BMP2K: variants seen among roughly 807,000 people sequenced by gnomAD.
The protein encoded by BMP2K is BMP-2-inducible protein kinase.
A neutral mutation model predicts 116.0 loss-of-function variants in BMP2K; 74 were observed. The observed-to-expected ratio is 0.64, with a 90% CI of 0.53 to 0.77. The LOEUF (loss-of-function observed/expected upper bound fraction) is 0.77. Among genes scored for constraint, BMP2K ranks in the 30% least tolerant of loss-of-function variants. The probability of loss-of-function intolerance (pLI) is 0.00; values close to 1 mark genes in which losing one functional copy is unlikely to be tolerated. For synonymous variants in BMP2K, 486 were observed against 502.5 expected (o/e 0.97, Z 0.44); for missense variants, 1,365 against 1,403.6 (o/e 0.97, Z 0.44).
chr4:78,912,130 C>T lies in BMP2K; in HGVS notation c.*97C>T, dbSNP rs1224350122. ...AAATTTGGTAGCTCTTTATAGCATTCATTCTTAAAGATCAGTCAGAATAGG... is the reference window on the plus strand; with the variant it reads ...AAATTTGGTAGCTCTTTATAGCATTTATTCTTAAAGATCAGTCAGAATAGG... On this transcript the variant is annotated 3_prime_UTR_variant, in exon 16 of 16. Transcript: ENST00000502613. The T allele has an allele frequency of 9.1e-7, 1 of 1,094,568 alleles. No individual in the cohort carries two copies. The highest frequency in any genetic ancestry group is 1.3e-6 in the Non-Finnish European group (1 of 748,912). 67.8% of individuals were successfully genotyped at this position (1,094,568 alleles called of 1,614,324 possible). A position where few individuals can be genotyped will look rare whatever the true frequency, so the allele number is the denominator to read the frequency against.
chr4:78,823,494 G>A (rs1026436040), intron 1 of BMP2K, among the ~76,000 whole-genome samples: 39 of 146,334 alleles, frequency 2.7e-4, no homozygotes, highest in African/African-American at 9.5e-4. Flanking sequence ...ATATAGTTTT[G>A]TATATATAGT....
intron 3 of BMP2K, among the ~76,000 whole-genome samples, chr4:78,837,028 C>T (rs997260523): frequency 6.6e-5 from 10 of 152,092 alleles, no homozygotes; most frequent in Non-Finnish European, 1.5e-4. Flanking sequence ...CTGGACTTCT[C>T]ATTTTCTTTC....
intron 15 of BMP2K, among the ~76,000 whole-genome samples, chr4:78,899,897 A>G (rs994006787): frequency 2.0e-5 from 3 of 152,190 alleles, no homozygotes; most frequent in Admixed American, 6.5e-5. Context: ...GAACAGAGAA[A>G]GGTAGGTAGG....
At chr4:78,821,433 G>A (rs985600035) in intron 1 of BMP2K, among the ~76,000 whole-genome samples, 2 of 152,166 alleles carry the variant, frequency 1.3e-5, no homozygotes, top group African/African-American at 4.8e-5. Context: ...CTGGCTGCCA[G>A]TGTTATTGTA....
Position 78,859,579 on chromosome 4 carries a change from T to G in BMP2K, c.884-5T>G. The G allele has an allele frequency of 1.3e-6, 2 of 1,593,034 alleles. No homozygotes were observed. The highest frequency in any genetic ancestry group is 8.6e-7 in the Non-Finnish European group (1 of 1,166,856). On this transcript the variant is annotated splice_region_variant and splice_polypyrimidine_tract_variant and intron_variant, in intron 7 of 15. Transcript: ENST00000502613. ...ACTTCTTAACATTTTGATCTATTCTTGCAGGGTTCATGCTTGAACCAGATC... is the reference window on the plus strand; with the variant it reads ...ACTTCTTAACATTTTGATCTATTCTGGCAGGGTTCATGCTTGAACCAGATC...
chr4:78,835,211 G>C (rs1339894000), intron 3 of BMP2K, among the ~76,000 whole-genome samples: 1 of 152,090 alleles, frequency 6.6e-6, no homozygotes, highest in East Asian at 1.9e-4. Flanking sequence ...GTTTTTTGAG[G>C]AATGCATTGT....
intron 14 of BMP2K, among the ~76,000 whole-genome samples, chr4:78,884,011 T>TTA (rs1337956981): frequency 6.6e-6 from 1 of 151,964 alleles, no homozygotes; most frequent in African/African-American, 2.4e-5. Flanking sequence ...TGCCACTGTA[T>TTA]TACAGCCTGG....
Position 78,822,438 on chromosome 4 carries a change from T to A in BMP2K, c.179-3599T>A, listed in dbSNP as rs1179429000. On this transcript the variant is annotated intron_variant, in intron 1 of 15. Coordinates refer to ENST00000502613, the MANE Select transcript of BMP2K (RefSeq NM_198892.2). ...ATTTAGTTATACAATTTATGTAGTTTATAGAGTGCAAAAGATACCAATTAT... is the reference window on the plus strand; with the variant it reads ...ATTTAGTTATACAATTTATGTAGTTAATAGAGTGCAAAAGATACCAATTAT... 6.6e-5 allele frequency among the ~76,000 whole-genome samples: 10 copies of A among 152,162 alleles called. No individual in the cohort carries two copies. The East Asian group carries it at 1.7e-3, about 26-fold the overall frequency.
chr4:78,792,020 C>T (rs1325449998), intron 1 of BMP2K, among the ~76,000 whole-genome samples: 1 of 152,158 alleles, frequency 6.6e-6, no homozygotes, highest in Non-Finnish European at 1.5e-5. Context: ...GGAATTGCCG[C>T]ACTGTTGTTC....
intron 7 of BMP2K, among the ~76,000 whole-genome samples, chr4:78,853,480 A>T (rs1039264394): frequency 1.3e-5 from 2 of 152,196 alleles, no homozygotes; most frequent in African/African-American, 4.8e-5. Flanking sequence ...TACTTTCCAG[A>T]TCCAGGAGTT....
At chr4:78,784,404 A>G (rs1289667686) in intron 1 of BMP2K, among the ~76,000 whole-genome samples, 1 of 152,154 alleles carries the variant, frequency 6.6e-6, no homozygotes, top group Non-Finnish European at 1.5e-5. Flanking sequence ...TCATCTACCC[A>G]CAGCCTGCTA....
chr4:78,880,297 C>T (rs895938727), intron 14 of BMP2K, among the ~76,000 whole-genome samples: 1 of 152,180 alleles, frequency 6.6e-6, no homozygotes, highest in Non-Finnish European at 1.5e-5. Flanking sequence ...GTCTCAAACT[C>T]CTGACCTCAG....
chr4:78,845,172 G>T, intron 5 of BMP2K, 123 bp downstream of exon 5: 1 of 880,784 alleles, frequency 1.1e-6, no homozygotes, highest in South Asian at 1.7e-5. Context: ...ATATTTCTGT[G>T]CCATAGATGT....
intron 1 of BMP2K, among the ~76,000 whole-genome samples, chr4:78,804,709 T>TGGCC (rs1429677188): frequency 2.0e-5 from 3 of 151,960 alleles, no homozygotes; most frequent in African/African-American, 7.2e-5. Flanking sequence ...ATGTGCTTAT[T>TGGCC]GGCCATGTGT....
At chr4:78,866,077 A>G (rs1394219136) in intron 10 of BMP2K, among the ~76,000 whole-genome samples, 1 of 152,194 alleles carries the variant, frequency 6.6e-6, no homozygotes, top group Non-Finnish European at 1.5e-5. Context: ...TTGAAACACT[A>G]GTCTTACAAA....
intron 7 of BMP2K, among the ~76,000 whole-genome samples, chr4:78,852,208 AGAT>A (rs1411355690): frequency 2.0e-5 from 3 of 151,958 alleles, no homozygotes; most frequent in Non-Finnish European, 4.4e-5. Context: ...TTGTAATGTG[AGAT>A]GGAAAAAAAT....
intron 1 of BMP2K, among the ~76,000 whole-genome samples, chr4:78,820,360 C>T (rs1247303201): frequency 6.6e-6 from 1 of 152,098 alleles, no homozygotes; most frequent in African/African-American, 2.4e-5. Flanking sequence ...TATCTTGAGC[C>T]TTCTGAAATT....
intron 3 of BMP2K, among the ~76,000 whole-genome samples, chr4:78,839,620 A>C (rs1730660095): frequency 6.6e-6 from 1 of 152,186 alleles, no homozygotes; most frequent in Admixed American, 6.5e-5. Context: ...ATAGATATAC[A>C]TATAAAGGGG....
intron 1 of BMP2K, among the ~76,000 whole-genome samples, chr4:78,819,025 A>G (rs1030796795): frequency 1.3e-5 from 2 of 152,102 alleles, no homozygotes; most frequent in African/African-American, 2.4e-5. Context: ...CAGGTTTTGA[A>G]GCAATAAGCA....
Sources: gnomAD v4.1 joint callset for allele counts (sites outside exome capture counted in the v4.1 genomes callset) on GRCh38, gnomAD v4.1.1 for gene constraint, MANE v1.5 for transcripts, NCBI Gene and HGNC (gene_info 2026-07-23, HGNC 2026-07-21) for gene names.